THOC5: variants seen among roughly 807,000 people sequenced by gnomAD.
THOC5 encodes the protein THO complex subunit 5.
In THOC5, 43 loss-of-function variants were observed where a neutral mutation model predicts 92.9. That is an observed-to-expected ratio of 0.46 (90% CI 0.36 to 0.60). The LOEUF (loss-of-function observed/expected upper bound fraction) is 0.60, where lower values mean the gene tolerates loss of function less well. Ranked by LOEUF, THOC5 falls within the 20% of genes least tolerant of loss-of-function variation. The pLI is 0.00. For missense variants in THOC5, 659 were observed against 849.4 expected (o/e 0.78, Z 2.79); for synonymous variants, 296 against 320.1 (o/e 0.92, Z 0.80).
chr22:29,535,338 A>T (rs1193456168), intron 7 of THOC5: 1 of 152,152 alleles, frequency 6.6e-6, no homozygotes, highest in African/African-American at 2.4e-5. Flanking sequence ...GAAAAAAAAA[A>T]AAAGTGGTAT....
chr22:29,541,856 A>C (rs2063892664), intron 5 of THOC5, among the ~76,000 whole-genome samples: 1 of 69,540 alleles, frequency 1.4e-5, no homozygotes, highest in Non-Finnish European at 2.5e-5. Flanking sequence ...GCAAGACTCC[A>C]TCTCCAAAAA....
intron 8 of THOC5, among the ~76,000 whole-genome samples, chr22:29,530,731 C>G (rs2063636933): frequency 6.6e-6 from 1 of 152,100 alleles, no homozygotes; most frequent in Non-Finnish European, 1.5e-5. Context: ...TATGACACCT[C>G]ATTGAGTGAT....
At position 29,536,847 on chromosome 22, in the gene THOC5, A is replaced by T. The variant is rs73388932; in HGVS notation, c.600-109T>A. On this transcript the variant is annotated intron_variant, in intron 6 of 19. Coordinates refer to ENST00000490103, the MANE Select transcript of THOC5 (RefSeq NM_003678.5). ...TAGTAGCAGCCATGATTAACTGCCA[A>T]TGTTTATCCAGCACTCAATGTGTGC... 8,042 of 701,612 alleles carry T rather than the reference A, an allele frequency of 0.011. 458 individuals are homozygous for T. In the African/African-American group the frequency reaches 0.12, roughly 11 times the overall value. The allele number at this position is 701,612 out of a possible 1,614,324, so 43.5% of individuals were successfully genotyped here. A position where few individuals can be genotyped will look rare whatever the true frequency, so the allele number is the denominator to read the frequency against.
chr22:29,523,606 T>C (rs1328475456), intron 12 of THOC5, among the ~76,000 whole-genome samples: 1 of 152,016 alleles, frequency 6.6e-6, no homozygotes, highest in Non-Finnish European at 1.5e-5. Context: ...CGACCCATTT[T>C]CTCCAACAAA....
At chr22:29,531,679 G>T (rs1336145041) in intron 8 of THOC5, 152 bp downstream of exon 8, 1 of 1,449,522 alleles carries the variant, frequency 6.9e-7, no homozygotes, top group Non-Finnish European at 9.1e-7. Context: ...GAGCAGCCAT[G>T]CTGGGCAATG....
At chr22:29,544,969 A>G in intron 2 of THOC5, 2 of 338,738 alleles carry the variant, frequency 5.9e-6, no homozygotes, top group Non-Finnish European at 1.1e-5. Flanking sequence ...CGTGCTGTTA[A>G]GTGCAACTTC....
At chr22:29,518,197 C>T (rs1218311960) in intron 15 of THOC5, among the ~76,000 whole-genome samples, 1 of 152,128 alleles carries the variant, frequency 6.6e-6, no homozygotes, top group Non-Finnish European at 1.5e-5. Flanking sequence ...CCATGCCCAG[C>T]TAATTTTTGT....
chr22:29,549,208 A>C (rs2064091737), intron 1 of THOC5, 50 bp from the exon 2 acceptor site: 16 of 1,539,098 alleles, frequency 1.0e-5, no homozygotes, highest in Non-Finnish European at 1.3e-5. Context: ...ATAACACTGA[A>C]GTCAAACTAG....
intron 5 of THOC5, 116 bp from the exon 6 acceptor site, chr22:29,539,592 G>T: frequency 8.9e-7 from 1 of 1,129,510 alleles, no homozygotes; most frequent in Non-Finnish European, 1.2e-6. Flanking sequence ...CAGGATCCTG[G>T]AATCCAGTCT....
chr22:29,541,166 C>T (rs1346697070), intron 5 of THOC5, among the ~76,000 whole-genome samples: 1 of 151,190 alleles, frequency 6.6e-6, no homozygotes, highest in Non-Finnish European at 1.5e-5. Flanking sequence ...GCCTGGGCAA[C>T]AGAGCGAGAC....
intron 6 of THOC5, 81 bp downstream of exon 6, chr22:29,539,249 C>T (rs2063829209): frequency 2.8e-6 from 4 of 1,430,278 alleles, no homozygotes; most frequent in Non-Finnish European, 3.8e-6. Context: ...GAGAGTTGCA[C>T]AGTGTTTTGC....
chr22:29,509,859 G>A (rs1281274077), intron 19 of THOC5, among the ~76,000 whole-genome samples: 6 of 150,504 alleles, frequency 4.0e-5, no homozygotes, highest in Non-Finnish European at 8.9e-5. Flanking sequence ...ACAGGGAACA[G>A]AGAACAAGGT....
intron 1 of THOC5, among the ~76,000 whole-genome samples, chr22:29,552,411 G>A (rs2064176788): frequency 6.6e-6 from 1 of 150,942 alleles, no homozygotes; most frequent in African/African-American, 2.4e-5. Context: ...CGTCTGGGAT[G>A]TGAGGAGCAC....
chr22:29,543,167 A>T (rs1300379276), intron 4 of THOC5, among the ~76,000 whole-genome samples: 2 of 151,938 alleles, frequency 1.3e-5, no homozygotes. Flanking sequence ...AACAAGGTGA[A>T]ACCCCATCTC....
chr22:29,521,669 C>T (rs981115700), intron 12 of THOC5, among the ~76,000 whole-genome samples: 2 of 152,208 alleles, frequency 1.3e-5, no homozygotes, highest in Admixed American at 1.3e-4. Context: ...ATCACATACA[C>T]TGGAGACCCA....
chr22:29,513,738 C>T (rs989057853), intron 17 of THOC5, among the ~76,000 whole-genome samples: 6 of 152,036 alleles, frequency 3.9e-5, no homozygotes, highest in African/African-American at 1.4e-4. Flanking sequence ...TGGCTCACGC[C>T]TGTAATCCCA....
At position 29,542,874 on chromosome 22, in the gene THOC5, T is replaced by C. The variant is rs752746788; in HGVS notation, c.437A>G (p.Lys146Arg). 3 of 1,612,880 alleles carry C rather than the reference T, an allele frequency of 1.9e-6. No homozygotes were observed. Among genetic ancestry groups the C allele is most frequent in the Admixed American group, 3.3e-5 (2 of 59,934 alleles). The change falls in exon 5 of 20, where the codon AAA becomes AGA. Residue 146 changes from lysine (K) to arginine (R), a missense_variant. Physicochemically the swap from Lys to Arg is conservative, Grantham distance 26 (BLOSUM62 2). Transcript: ENST00000490103. ...EVMHLQKEIT[K>R]CLEFKSKHEE... ...CCAAACTCACTTAAACTCCAAACAT[T>C]TGGTGATCTCCTTCTGTAGGTGCAT...
intron 5 of THOC5, among the ~76,000 whole-genome samples, chr22:29,541,662 C>G (rs1040523205): frequency 6.7e-6 from 1 of 149,646 alleles, no homozygotes; most frequent in African/African-American, 2.5e-5. Flanking sequence ...GAGATCGAGA[C>G]CATCCTGGCT....
intron 11 of THOC5, among the ~76,000 whole-genome samples, 179 bp downstream of exon 11, chr22:29,527,899 G>A (rs1425752570): frequency 6.6e-6 from 1 of 152,080 alleles, no homozygotes; most frequent in Non-Finnish European, 1.5e-5. Flanking sequence ...ATGTTGTTAC[G>A]GTTATGATTT....
Sources: gnomAD v4.1 joint callset for allele counts (sites outside exome capture counted in the v4.1 genomes callset) on GRCh38, gnomAD v4.1.1 for gene constraint, MANE v1.5 for transcripts, NCBI Gene and HGNC (gene_info 2026-07-23, HGNC 2026-07-21) for gene names.